TM4SF18: variants seen among roughly 807,000 people sequenced by gnomAD.
TM4SF18 encodes transmembrane 4 L6 family member 18.
A neutral mutation model predicts 23.8 loss-of-function variants in TM4SF18; 22 were observed. The observed-to-expected ratio is 0.92, with a 90% CI of 0.66 to 1.32. The LOEUF (loss-of-function observed/expected upper bound fraction) is 1.32, where lower values mean the gene tolerates loss of function less well. Among genes scored for constraint, TM4SF18 ranks in the 40% most tolerant of loss-of-function variants. The pLI, the probability that TM4SF18 is intolerant of heterozygous loss-of-function variation, is 0.00. For synonymous variants in TM4SF18, 87 were observed against 87.9 expected, an observed-to-expected ratio of 0.99 and a Z score of 0.06; for missense variants, 255 against 240.3, an observed-to-expected ratio of 1.06 and a Z score of -0.41.
At chr3:149,326,188 C>A (rs575052338) in intron 3 of TM4SF18, among the ~76,000 whole-genome samples, 1 of 152,102 alleles carries the variant, frequency 6.6e-6, no homozygotes, top group African/African-American at 2.4e-5. Flanking sequence ...GACTACATCT[C>A]TTTAGTTTCC....
intron 3 of TM4SF18, among the ~76,000 whole-genome samples, chr3:149,326,248 T>C (rs554388512): frequency 1.3e-5 from 2 of 152,346 alleles, no homozygotes; most frequent in Admixed American, 6.5e-5. Context: ...GGTGTTAAAC[T>C]GTTTTTAAGA....
chr3:149,322,803 C>T (rs1019486848), intron 4 of TM4SF18, among the ~76,000 whole-genome samples: 1 of 152,016 alleles, frequency 6.6e-6, no homozygotes, highest in Non-Finnish European at 1.5e-5. Flanking sequence ...TTGTTAATGG[C>T]TCTTGTCTCC....
rs201893681 is a variant in TM4SF18, at chr3:149,321,671, A to G, written c.592-179T>C. On this transcript the variant is annotated intron_variant, in intron 5 of 5. Transcript: ENST00000296059. ...CACATTCTGTTGTTAAACAAAATAC[A>G]AGCCATCTAAATTCATAATTTTTCT... 5.9e-5 allele frequency among the ~76,000 whole-genome samples: 9 copies of G among 152,352 alleles called. No individual in the cohort carries two copies. The East Asian group carries it at 1.7e-3, about 29-fold the overall frequency.
rs1030449819 is a variant in TM4SF18, at chr3:149,320,226, G to A, written c.*1252C>T. 2 of 152,354 alleles carry A rather than the reference G, an allele frequency of 1.3e-5. No homozygotes were observed. Among genetic ancestry groups the A allele is most frequent in the African/African-American group, 4.8e-5 (2 of 41,450 alleles). 9.4% of individuals were successfully genotyped at this position (152,354 alleles called of 1,614,324 possible). The stretch of plus-strand genomic sequence containing the variant: ...CCAGTGCACCTGTGATGGAAGCAGT[G>A]CTCAGCAGGGTAACTACAGGAAGCA... On this transcript the variant is annotated 3_prime_UTR_variant, in exon 6 of 6. Transcript: ENST00000296059.
At chr3:149,333,482 C>CTCTCTTTT (rs4048749) in intron 1 of TM4SF18, 31 bp downstream of exon 1, 21 of 237,600 alleles carry the variant, frequency 8.8e-5, no homozygotes, top group Admixed American at 5.3e-4. Context: ...CTCTCTCTCT[C>CTCTCTTTT]TTTTTTTTTT....
intron 2 of TM4SF18, among the ~76,000 whole-genome samples, chr3:149,332,083 C>T (rs1029471074): frequency 6.6e-6 from 1 of 152,122 alleles, no homozygotes; most frequent in Non-Finnish European, 1.5e-5. Context: ...TAAGCATTTT[C>T]ATGGATCTTG....
At chr3:149,328,055 A>G (rs1489090994) in intron 3 of TM4SF18, among the ~76,000 whole-genome samples, 1 of 152,216 alleles carries the variant, frequency 6.6e-6, no homozygotes, top group Non-Finnish European at 1.5e-5. Flanking sequence ...TTATTTGGCC[A>G]ATATTTGCTT....
In TM4SF18 at chr3:149,319,143, C is replaced by T. The variant is rs371920571; in HGVS notation, c.*2335G>A. On this transcript the variant is annotated 3_prime_UTR_variant, in exon 6 of 6. Transcript: ENST00000296059. Reference sequence around the variant, plus strand: ...AAACATCTATTAACAGTCCATTCAACGTACGGTGCCATGCTGAATCTAAAC... The same window carrying T: ...AAACATCTATTAACAGTCCATTCAATGTACGGTGCCATGCTGAATCTAAAC... 2 of 152,188 alleles carry T rather than the reference C, an allele frequency of 1.3e-5. No individual in the cohort carries two copies. The highest frequency in any genetic ancestry group is 2.9e-5 in the Non-Finnish European group (2 of 68,042). 9.4% of individuals were successfully genotyped at this position (152,188 alleles called of 1,614,324 possible).
intron 3 of TM4SF18, 22 bp from the exon 4 acceptor site, chr3:149,325,044 G>T (rs1730908052): frequency 6.2e-7 from 1 of 1,609,662 alleles, no homozygotes; most frequent in Non-Finnish European, 8.5e-7. Flanking sequence ...CATAGAAGCA[G>T]GTTAGTACCA....
At chr3:149,321,862 A>G (rs1730816166) in intron 5 of TM4SF18, among the ~76,000 whole-genome samples, 1 of 152,234 alleles carries the variant, frequency 6.6e-6, no homozygotes, top group African/African-American at 2.4e-5. Flanking sequence ...ATGTAGCAGC[A>G]TTCAGAAGAG....
At chr3:149,329,730 A>C (rs372195429) in intron 3 of TM4SF18, among the ~76,000 whole-genome samples, 2 of 152,198 alleles carry the variant, frequency 1.3e-5, no homozygotes, top group South Asian at 4.1e-4. Context: ...TACTATTTTA[A>C]TTATTTTTCA....
chr3:149,326,229 G>GT (rs1730942527), intron 3 of TM4SF18, among the ~76,000 whole-genome samples: 1 of 151,924 alleles, frequency 6.6e-6, no homozygotes, highest in Non-Finnish European at 1.5e-5. Context: ...CTGCCTTTTT[G>GT]TTTTTTGGGG....
At chr3:149,321,601 T>A in intron 5 of TM4SF18, 109 bp from the exon 6 acceptor site, 1 of 672,684 alleles carries the variant, frequency 1.5e-6, no homozygotes, top group Admixed American at 3.1e-5. Context: ...CAAAATATGA[T>A]AGAACAGAAA....
Position 149,333,306 on chromosome 3 carries a change from A to G in TM4SF18, c.77T>C (p.Ile26Thr). ...PLALWSIIVNILLYFPNGQTS... is the reference protein window; with the variant it reads ...PLALWSIIVNTLLYFPNGQTS... ...TTGCCCATTCGGGAAATACAATAAT[A>G]TGTTCACGATTATACTCCAAAGTGC... Residue 26 changes from isoleucine (I) to threonine (T), a missense_variant, in exon 2 of 6, where the codon ATA becomes ACA. By Grantham distance (89) the Ile-to-Thr change is moderately conservative. Transcript: ENST00000296059. 3.7e-6 allele frequency: 6 copies of G among 1,613,924 alleles called. No homozygotes were observed. The highest frequency in any genetic ancestry group is 1.7e-4 in the Middle Eastern group (1 of 6,060).
At chr3:149,323,091 G>A (rs952558151) in intron 4 of TM4SF18, among the ~76,000 whole-genome samples, 1 of 151,818 alleles carries the variant, frequency 6.6e-6, no homozygotes, top group African/African-American at 2.4e-5. Context: ...GTAGAGACGG[G>A]GTTTCACCGT....
chr3:149,326,165 G>T (rs978273091), intron 3 of TM4SF18, among the ~76,000 whole-genome samples: 3 of 152,018 alleles, frequency 2.0e-5, no homozygotes, highest in African/African-American at 7.2e-5. Context: ...ATCCAATAAA[G>T]GTTTATGTAC....
intron 4 of TM4SF18, among the ~76,000 whole-genome samples, chr3:149,322,833 T>G (rs1357529968): frequency 6.6e-6 from 1 of 152,020 alleles, no homozygotes; most frequent in African/African-American, 2.4e-5. Context: ...GAGCACAGAA[T>G]ATGAAATCAG....
intron 4 of TM4SF18, 70 bp from the exon 5 acceptor site, chr3:149,322,506 G>A: frequency 1.5e-6 from 2 of 1,345,318 alleles, no homozygotes; most frequent in Non-Finnish European, 1.0e-6. Flanking sequence ...TTGTATGTTT[G>A]AGAAATTACT....
chr3:149,331,493 T>G (rs1053050112), intron 2 of TM4SF18, among the ~76,000 whole-genome samples: 1 of 152,188 alleles, frequency 6.6e-6, no homozygotes, highest in African/African-American at 2.4e-5. Context: ...TAGTTATGTC[T>G]TGCAACTCTT....
Sources: gnomAD v4.1 joint callset for allele counts (sites outside exome capture counted in the v4.1 genomes callset) on GRCh38, gnomAD v4.1.1 for gene constraint, MANE v1.5 for transcripts, NCBI Gene and HGNC (gene_info 2026-07-23, HGNC 2026-07-21) for gene names.